The following DGKB variants were observed in gnomAD, a reference collection of about 807,000 sequenced individuals.
DGKB encodes diacylglycerol kinase beta.
In DGKB, 67 loss-of-function variants were observed where a neutral mutation model predicts 114.3. The ratio of observed to expected loss-of-function variants is 0.59; its 90% confidence interval spans 0.48 to 0.72. The LOEUF (loss-of-function observed/expected upper bound fraction) is 0.72. Ranked by LOEUF, DGKB falls within the 30% of genes least tolerant of loss-of-function variation. The probability of loss-of-function intolerance (pLI) is 0.00; values close to 1 mark genes in which losing one functional copy is unlikely to be tolerated. For synonymous variants in DGKB, 398 were observed against 323.1 expected (o/e 1.23, Z -2.49); for missense variants, 907 against 975.2 (o/e 0.93, Z 0.93).
intron 21 of DGKB, among the ~76,000 whole-genome samples, chr7:14,345,806 ATAT>A (rs1285237413): frequency 6.6e-6 from 1 of 151,702 alleles, no homozygotes; most frequent in African/African-American, 2.4e-5. Flanking sequence ...AGTAATAACA[ATAT>A]TATATCAATA....
intron 2 of DGKB, among the ~76,000 whole-genome samples, chr7:14,783,893 A>T (rs565673890): frequency 2.0e-5 from 3 of 152,302 alleles, no homozygotes; most frequent in South Asian, 4.1e-4. Context: ...TATTTCACAC[A>T]CATAAAAGAA....
At chr7:14,724,500 A>G (rs2128368006) in intron 5 of DGKB, among the ~76,000 whole-genome samples, 1 of 152,240 alleles carries the variant, frequency 6.6e-6, no homozygotes, top group South Asian at 2.1e-4. Flanking sequence ...GATCAGACAA[A>G]CCTCTCTGAG....
Position 14,937,025 on chromosome 7 carries a change from TACACACACACACACAC to T in DGKB, c.-188+37655_-188+37670del, listed in dbSNP as rs56176139. Among the ~76,000 whole-genome samples, 170 of 132,354 alleles carry T rather than the reference TACACACACACACACAC, an allele frequency of 1.3e-3. 1 individual carries two copies. Among genetic ancestry groups the T allele is most frequent in the African/African-American group, 4.1e-3 (147 of 35,766 alleles). 86.8% of individuals were successfully genotyped at this position (132,354 alleles called of 152,430 possible). ...TATTGATGTGATTATGTCCATTCAC[TACACACACACACACAC>T]ACACACACACACACACACACACACA... is the stretch of plus-strand genomic sequence containing the variant. On this transcript the variant is annotated intron_variant, in intron 1 of 4. Coordinates refer to the DGKB transcript ENST00000437998.
chr7:14,646,771 T>TA (rs71004322), intron 13 of DGKB, among the ~76,000 whole-genome samples: 80,196 of 151,098 alleles, frequency 0.53, 22,738 homozygotes, highest in Admixed American at 0.64. Flanking sequence ...AAGAAGAAAG[T>TA]AAAAAAAATT....
chr7:14,451,569 C>G (rs1488983291), intron 21 of DGKB, among the ~76,000 whole-genome samples: 1 of 151,634 alleles, frequency 6.6e-6, no homozygotes, highest in Non-Finnish European at 1.5e-5. Flanking sequence ...CTCTCTCTCT[C>G]TCTCTCCATC....
chr7:14,277,029 T>C lies in DGKB; in HGVS notation c.2122+61486A>G, dbSNP rs568427290. Among the ~76,000 whole-genome samples, 12 of 152,278 alleles carry C rather than the reference T, an allele frequency of 7.9e-5. No homozygotes were observed. The East Asian group carries it at 1.9e-3, about 24-fold the overall frequency. ...TTATTTTAAAATATAAGATATATTA[T>C]TATTGACTATAGTCACTCTACTGTG... On this transcript the variant is annotated intron_variant, in intron 23 of 25. Transcript: ENST00000402815.
chr7:14,873,330 C>A (rs947976939), intron 1 of DGKB, among the ~76,000 whole-genome samples: 2 of 152,014 alleles, frequency 1.3e-5, no homozygotes, highest in African/African-American at 4.8e-5. Flanking sequence ...GACAAATAGG[C>A]ATTTTCATAT....
chr7:14,480,596 T>C (rs917307777), intron 20 of DGKB, among the ~76,000 whole-genome samples: 8 of 152,146 alleles, frequency 5.3e-5, no homozygotes, highest in African/African-American at 1.9e-4. Context: ...TAAAATGCCA[T>C]TTTAAAATAA....
chr7:14,907,583 T>G (rs1392589236), upstream of DGKB, among the ~76,000 whole-genome samples: 3 of 152,196 alleles, frequency 2.0e-5, no homozygotes, highest in Non-Finnish European at 4.4e-5. Flanking sequence ...ACAGGGGTAA[T>G]GGTTTCCATA....
At chr7:14,361,886 T>C (rs1382325430) in intron 21 of DGKB, among the ~76,000 whole-genome samples, 2 of 151,978 alleles carry the variant, frequency 1.3e-5, no homozygotes, top group East Asian at 3.9e-4. Context: ...ACTAGCAACA[T>C]GTAGCATTCA....
chr7:14,787,043 C>T (rs1375951279), intron 2 of DGKB, among the ~76,000 whole-genome samples: 1 of 152,140 alleles, frequency 6.6e-6, no homozygotes, highest in Non-Finnish European at 1.5e-5. Flanking sequence ...TTTGGGACAA[C>T]CTGCCAGTAG....
At chr7:14,657,865 C>T (rs184878783) in intron 13 of DGKB, among the ~76,000 whole-genome samples, 62 of 151,888 alleles carry the variant, frequency 4.1e-4, no homozygotes, top group African/African-American at 1.4e-3. Flanking sequence ...TAACTCTTGC[C>T]GATAAAAGTC....
chr7:14,906,427 ATCTTTTT>A (rs1242001176), upstream of DGKB, among the ~76,000 whole-genome samples: 3 of 146,044 alleles, frequency 2.1e-5, no homozygotes. Flanking sequence ...ATAGAAATCT[ATCTTTTT>A]TCTTTTTTCT....
At chr7:14,495,532 A>T (rs1187132403) in intron 20 of DGKB, among the ~76,000 whole-genome samples, 2 of 151,518 alleles carry the variant, frequency 1.3e-5, no homozygotes, top group South Asian at 2.1e-4. Flanking sequence ...TTCAGCATTT[A>T]AAATCTACAC....
chr7:14,744,167 A>C (rs1832940294), intron 4 of DGKB, among the ~76,000 whole-genome samples: 1 of 152,154 alleles, frequency 6.6e-6, no homozygotes, highest in Admixed American at 6.5e-5. Flanking sequence ...ATGTGAACAA[A>C]ATTTGGAGCA....
Position 14,230,402 on chromosome 7 carries a change from C to G in DGKB, c.2123-52251G>C, listed in dbSNP as rs192644602. ...TGCCATTATACTGAAGGAAAAATTT[C>G]TCTTACCTGAAAAATGGTGTATGTT... is the stretch of plus-strand genomic sequence containing the variant. On this transcript the variant is annotated intron_variant, in intron 23 of 25. Coordinates refer to ENST00000402815, the MANE Select transcript of DGKB (RefSeq NM_001350709.2). 3.7e-3 allele frequency among the ~76,000 whole-genome samples: 569 copies of G among 151,920 alleles called. 2 individuals carry two copies. The highest frequency in any genetic ancestry group is 3.8e-3 in the Non-Finnish European group (258 of 67,894).
chr7:14,734,857 A>C (rs1831471915), intron 5 of DGKB, among the ~76,000 whole-genome samples: 1 of 152,140 alleles, frequency 6.6e-6, no homozygotes, highest in African/African-American at 2.4e-5. Context: ...AAGAGTGAGA[A>C]ACACTGCTGA....
At chr7:14,379,288 T>C (rs1819001945) in intron 21 of DGKB, among the ~76,000 whole-genome samples, 1 of 152,196 alleles carries the variant, frequency 6.6e-6, no homozygotes, top group African/African-American at 2.4e-5. Flanking sequence ...CTGTAAGTTC[T>C]TAACCATGTA....
intron 1 of DGKB, among the ~76,000 whole-genome samples, chr7:14,940,168 C>T (rs1175062378): frequency 2.6e-5 from 4 of 152,090 alleles, no homozygotes; most frequent in Non-Finnish European, 5.9e-5. Flanking sequence ...GTGTGCCTTA[C>T]ACACACTCAG....
Sources: allele counts gnomAD v4.1 joint callset (sites outside exome capture counted in the v4.1 genomes callset), GRCh38; gene constraint gnomAD v4.1.1; transcripts MANE v1.5; gene names NCBI Gene and HGNC (gene_info 2026-07-23, HGNC 2026-07-21).